The following NLN variants were observed in gnomAD, a reference collection of about 807,000 sequenced individuals.
NLN encodes the protein neurolysin, also known as neurolysin, mitochondrial.
A neutral mutation model predicts 79.9 loss-of-function variants in NLN; 64 were observed. The ratio of observed to expected loss-of-function variants is 0.80; its 90% CI spans 0.65 to 0.99. The LOEUF (loss-of-function observed/expected upper bound fraction) is 0.99. Ranked by LOEUF, NLN falls within the 50% of genes least tolerant of loss-of-function variation. NLN has a pLI of 0.00. For missense variants in NLN, 835 were observed against 858.7 expected (o/e 0.97, Z 0.34); for synonymous variants, 267 against 296.6 (o/e 0.90, Z 1.02).
chr5:65,770,773 T>C (rs1759550460), intron 3 of NLN, among the ~76,000 whole-genome samples: 1 of 152,130 alleles, frequency 6.6e-6, no homozygotes, highest in Non-Finnish European at 1.5e-5. Flanking sequence ...ATCTATAAAT[T>C]GTGGCACATT....
intron 1 of NLN, among the ~76,000 whole-genome samples, chr5:65,741,275 T>A (rs1758863758): frequency 6.6e-6 from 1 of 152,226 alleles, no homozygotes; most frequent in Admixed American, 6.5e-5. Context: ...TCATACAAGT[T>A]TTGAGATTGT....
chr5:65,771,345 T>C (rs1579937603), intron 3 of NLN, among the ~76,000 whole-genome samples: 1 of 152,170 alleles, frequency 6.6e-6, no homozygotes, highest in Non-Finnish European at 1.5e-5. Flanking sequence ...TCCAAGAAGA[T>C]TTCATACCTG....
intron 9 of NLN, chr5:65,792,910 G>C: frequency 1.9e-6 from 1 of 515,696 alleles, no homozygotes; most frequent in Non-Finnish European, 3.6e-6. Context: ...CTATCTGTAA[G>C]GAAAGGTTAC....
intron 1 of NLN, 48 bp from the exon 2 acceptor site, chr5:65,758,519 G>A (rs1156674731): frequency 2.1e-6 from 3 of 1,395,862 alleles, no homozygotes; most frequent in Non-Finnish European, 3.0e-6. Context: ...TGTTGACTTT[G>A]GACCAACAGA....
At chr5:65,724,799 T>C (rs1035268654) in intron 1 of NLN, among the ~76,000 whole-genome samples, 2 of 146,150 alleles carry the variant, frequency 1.4e-5, no homozygotes, top group Admixed American at 6.8e-5. Context: ...GTTTCTTTTT[T>C]TTTTCTTTTT....
rs1760089637 is a variant in NLN, at chr5:65,792,602, G to GCTC, written c.1474_1475insCTC (p.Val492delinsAlaLeu). On this transcript the variant is annotated protein_altering_variant, in exon 9 of 13. Coordinates refer to ENST00000380985, the MANE Select transcript of NLN (RefSeq NM_020726.5). ...TCCCTCTCTCCTGAGACACGACGAG[G>GCTC]TGAGGACTTACTTTCATGAGTTTGG... is the stretch of plus-strand genomic sequence containing the variant. 6.2e-7 allele frequency: 1 copy of GCTC among 1,613,980 alleles called. No individual in the cohort carries two copies. Among genetic ancestry groups the GCTC allele is most frequent in the Admixed American group, 1.7e-5 (1 of 59,996 alleles).
chr5:65,816,667 CTCGGT>C (rs1189145144), intron 12 of NLN, among the ~76,000 whole-genome samples: 12 of 152,086 alleles, frequency 7.9e-5, no homozygotes, highest in African/African-American at 2.9e-4. Flanking sequence ...TTGTTCCAAA[CTCGGT>C]GCATTTGCTT....
chr5:65,765,888 TAA>T (rs774798781), intron 3 of NLN, among the ~76,000 whole-genome samples: 5 of 152,206 alleles, frequency 3.3e-5, no homozygotes, highest in Non-Finnish European at 5.9e-5. Flanking sequence ...CAATTGGATA[TAA>T]AATGTTATTT....
At chr5:65,730,620 A>T (rs1374984619) in intron 1 of NLN, among the ~76,000 whole-genome samples, 1 of 150,938 alleles carries the variant, frequency 6.6e-6, no homozygotes, top group Non-Finnish European at 1.5e-5. Flanking sequence ...GCAATGGCGC[A>T]ATCTCAGCTC....
intron 3 of NLN, among the ~76,000 whole-genome samples, chr5:65,771,539 AT>A (rs931689033): frequency 1.3e-5 from 2 of 152,070 alleles, no homozygotes. Flanking sequence ...TTGTTTATTT[AT>A]TTTTTTTAGA....
At chr5:65,775,115 A>G (rs1256300150) in intron 3 of NLN, among the ~76,000 whole-genome samples, 1 of 152,208 alleles carries the variant, frequency 6.6e-6, no homozygotes, top group Non-Finnish European at 1.5e-5. Context: ...TATTTTGGGA[A>G]TAAGTAGTTT....
At chr5:65,809,986 C>T (rs767113820) in intron 10 of NLN, 51 bp from the exon 11 acceptor site, 14 of 1,591,282 alleles carry the variant, frequency 8.8e-6, no homozygotes, top group Middle Eastern at 3.3e-4. Context: ...GATAATAAAA[C>T]ACACAGTTCT....
chr5:65,755,296 C>G (rs1002669749), intron 1 of NLN, among the ~76,000 whole-genome samples: 1 of 152,140 alleles, frequency 6.6e-6, no homozygotes, highest in East Asian at 1.9e-4. Context: ...TGATCTAAAA[C>G]CAAGGCCTTT....
intron 12 of NLN, among the ~76,000 whole-genome samples, chr5:65,814,252 C>G (rs544897044): frequency 6.6e-6 from 1 of 152,230 alleles, no homozygotes; most frequent in South Asian, 2.1e-4. Context: ...TTACCAACTC[C>G]AAAGGCCCTC....
rs986241342 is a variant in NLN, at chr5:65,825,250, C to T, written c.*2335C>T. ...GTTGTTCTTTTTTTCCAGATCAGAG[C>T]AGAGAATATCACTGACATGCTTGAA... On this transcript the variant is annotated 3_prime_UTR_variant, in exon 13 of 13. Coordinates refer to ENST00000380985, the MANE Select transcript of NLN (RefSeq NM_020726.5). The T allele has an allele frequency of 6.6e-6, 1 of 151,552 alleles. No individual in the cohort carries two copies. Among genetic ancestry groups the T allele is most frequent in the African/African-American group, 2.4e-5 (1 of 41,232 alleles). 9.4% of individuals were successfully genotyped at this position (151,552 alleles called of 1,614,324 possible).
intron 8 of NLN, among the ~76,000 whole-genome samples, chr5:65,790,086 A>G (rs144188181): frequency 3.5e-4 from 54 of 152,364 alleles, no homozygotes; most frequent in Non-Finnish European, 6.0e-4. Context: ...TATAGATTCC[A>G]TAGTGTTTCA....
chr5:65,732,272 A>ATTCTGCCCACTCTGAGATT (rs1450932883), intron 1 of NLN, among the ~76,000 whole-genome samples: 2 of 142,480 alleles, frequency 1.4e-5, no homozygotes, highest in African/African-American at 2.6e-5. Flanking sequence ...GACTCTGCCC[A>ATTCTGCCCACTCTGAGATT]GAGGGATGGC....
rs114436209 is a variant in NLN at position 65,737,637 on chromosome 5, G to A, written c.41+15223G>A. 5.1e-3 allele frequency among the ~76,000 whole-genome samples: 782 copies of A among 152,156 alleles called. 5 individuals are homozygous for A. The highest frequency in any genetic ancestry group is 0.018 in the African/African-American group (742 of 41,522). ...TCTAGGGAGTATAGGTCTAGATCTG[G>A]CATTTTGATACTGACAATTACAGGT... On this transcript the variant is annotated intron_variant, in intron 1 of 12. Transcript: ENST00000380985.
At chr5:65,734,516 G>C (rs545881598) in intron 1 of NLN, among the ~76,000 whole-genome samples, 1 of 86,798 alleles carries the variant, frequency 1.2e-5, no homozygotes, top group East Asian at 2.5e-4. Context: ...ATTTAAAAAT[G>C]TCAAAAATAA....
Sources: allele counts gnomAD v4.1 joint callset (sites outside exome capture counted in the v4.1 genomes callset), GRCh38; gene constraint gnomAD v4.1.1; transcripts MANE v1.5; gene names NCBI Gene and HGNC (gene_info 2026-07-23, HGNC 2026-07-21).